The following LAMA2 variants were observed in gnomAD, a reference collection of about 807,000 sequenced individuals.
LAMA2 encodes the protein laminin subunit alpha-2.
LAMA2 carries 269 observed loss-of-function variants against 364.8 expected under a neutral mutation model. The ratio of observed to expected loss-of-function variants is 0.74; its 90% CI spans 0.67 to 0.82. The LOEUF (loss-of-function observed/expected upper bound fraction) is 0.82, where lower values mean the gene tolerates loss of function less well. LAMA2 is among the 40% of genes least tolerant of loss of function. The pLI is 0.00. For missense variants in LAMA2, 3,807 were observed against 3,873.2 expected (o/e 0.98, Z 0.45); for synonymous variants, 1,379 against 1,370.6 (o/e 1.01, Z -0.14).
intron 9 of LAMA2, among the ~76,000 whole-genome samples, chr6:129,174,895 T>C (rs1472907129): frequency 6.6e-6 from 1 of 152,336 alleles, no homozygotes; most frequent in Non-Finnish European, 1.5e-5. Flanking sequence ...TCTTCAACTG[T>C]TCTGAACAGG....
At chr6:129,339,147 GA>G (rs1314195499) in intron 29 of LAMA2, among the ~76,000 whole-genome samples, 8 of 152,174 alleles carry the variant, frequency 5.3e-5, no homozygotes, top group African/African-American at 2.4e-5. Context: ...AAAATATGGA[GA>G]CAGGATCTTT....
chr6:128,964,926 G>A (rs1781742616), intron 1 of LAMA2, among the ~76,000 whole-genome samples: 1 of 151,930 alleles, frequency 6.6e-6, no homozygotes, highest in Non-Finnish European at 1.5e-5. Flanking sequence ...AACTGGCTTG[G>A]TAGTTTCCAG....
At chr6:129,409,127 A>G (rs1780395266) in intron 40 of LAMA2, among the ~76,000 whole-genome samples, 1 of 152,206 alleles carries the variant, frequency 6.6e-6, no homozygotes, top group African/African-American at 2.4e-5. Context: ...GTGCACAACC[A>G]GGTGCCCTGC....
chr6:129,088,799 G>A (rs892199573), intron 3 of LAMA2, among the ~76,000 whole-genome samples: 4 of 151,908 alleles, frequency 2.6e-5, no homozygotes, highest in African/African-American at 7.3e-5. Context: ...ACGGGATGGC[G>A]GTCCGGAAGA....
At chr6:128,975,594 C>G (rs1342726228) in intron 1 of LAMA2, among the ~76,000 whole-genome samples, 3 of 152,110 alleles carry the variant, frequency 2.0e-5, no homozygotes, top group East Asian at 1.9e-4. Flanking sequence ...CCACAATTCC[C>G]AAGGGTCATG....
chr6:128,949,613 T>C (rs1047108051), intron 1 of LAMA2, among the ~76,000 whole-genome samples: 10 of 152,084 alleles, frequency 6.6e-5, no homozygotes, highest in African/African-American at 2.4e-4. Flanking sequence ...TTATGAAGGA[T>C]GTCTCTTTGC....
intron 63 of LAMA2, 42 bp downstream of exon 63, chr6:129,512,535 A>ATTGTTG (rs1392414612): frequency 1.2e-6 from 2 of 1,606,748 alleles, no homozygotes; most frequent in Non-Finnish European, 1.7e-6. Flanking sequence ...TCTTCATGAT[A>ATTGTTG]TTGTTGATGT....
chr6:129,432,691 T>C (rs1781658019), intron 41 of LAMA2, among the ~76,000 whole-genome samples: 1 of 152,216 alleles, frequency 6.6e-6, no homozygotes, highest in Non-Finnish European at 1.5e-5. Context: ...TCAAACTCAA[T>C]TTTCTTGCTG....
intron 4 of LAMA2, among the ~76,000 whole-genome samples, chr6:129,129,317 A>T (rs1241559872): frequency 6.6e-6 from 1 of 152,254 alleles, no homozygotes; most frequent in Admixed American, 6.5e-5. Flanking sequence ...ATTTGAATTT[A>T]TAAACTCTGG....
chr6:129,315,637 A>G lies in LAMA2; in HGVS notation c.3717A>G (p.Glu1239=). 1 of 1,614,242 alleles carries G rather than the reference A, an allele frequency of 6.2e-7. No homozygotes were observed. Among genetic ancestry groups the G allele is most frequent in the African/African-American group, 1.3e-5 (1 of 75,068 alleles). Residue 1239 remains glutamate (E), a synonymous_variant, in exon 25 of 65, where the codon GAA becomes GAG. Coordinates refer to ENST00000421865, the MANE Select transcript of LAMA2 (RefSeq NM_000426.4). The stretch of plus-strand genomic sequence containing the variant: ...AACCTTTTTATTGGAAACTTCCAGA[A>G]CAATTTGAAGGAAAGAAGGTAAGCA... ...HLEPFYWKLP[E]QFEGKKLMAY... is the part of the protein sequence containing the mutation.
chr6:129,506,376 T>A lies in LAMA2; in HGVS notation c.8703+1021T>A, dbSNP rs183966258. On this transcript the variant is annotated intron_variant, in intron 61 of 64. Coordinates refer to ENST00000421865, the MANE Select transcript of LAMA2 (RefSeq NM_000426.4). Reference sequence around the variant, plus strand: ...TCAAAAAAATAAATAAATAAATAAATAAAAATAAAAATAAAGTGATTGGAA... The same window carrying A: ...TCAAAAAAATAAATAAATAAATAAAAAAAAATAAAAATAAAGTGATTGGAA... Among the ~76,000 whole-genome samples, 182 of 151,396 alleles carry A rather than the reference T, an allele frequency of 1.2e-3. 1 individual carries two copies. In the East Asian group the frequency reaches 0.027, roughly 22 times the overall value.
intron 1 of LAMA2, among the ~76,000 whole-genome samples, chr6:128,974,882 C>G (rs1167146012): frequency 6.8e-6 from 1 of 147,024 alleles, no homozygotes; most frequent in Non-Finnish European, 1.5e-5. Flanking sequence ...GAAGGAGTCT[C>G]ACTCTGTTGC....
At chr6:129,403,305 G>A (rs552676215) in intron 39 of LAMA2, among the ~76,000 whole-genome samples, 76 of 152,228 alleles carry the variant, frequency 5.0e-4, no homozygotes, top group African/African-American at 1.8e-3. Context: ...ATGAAGGGTG[G>A]GTGGCAGATG....
chr6:129,505,456 G>A (rs1785983129), intron 61 of LAMA2, 101 bp downstream of exon 61: 7 of 879,490 alleles, frequency 8.0e-6, no homozygotes, highest in Admixed American at 1.9e-5. Context: ...AAACTGATAG[G>A]TGAATAGGAA....
rs138100597 is a variant in LAMA2, at chr6:129,325,184, A to G, written c.4177-3094A>G. Among the ~76,000 whole-genome samples the G allele has an allele frequency of 1.3e-5, 2 of 152,346 alleles. 1 individual carries two copies. The highest frequency in any genetic ancestry group is 3.9e-4 in the East Asian group (2 of 5,190). The stretch of plus-strand genomic sequence containing the variant: ...TAATCTAATTTTTTGATGAAACAAT[A>G]TATTATGAAAATAAATTAAAGATAG... On this transcript the variant is annotated intron_variant, in intron 28 of 64. Transcript: ENST00000421865.
chr6:129,381,883 A>T (rs1020036684), intron 34 of LAMA2, among the ~76,000 whole-genome samples: 2 of 152,196 alleles, frequency 1.3e-5, no homozygotes, highest in Non-Finnish European at 2.9e-5. Context: ...AAGTTAGATG[A>T]TAATAGTTGG....
Position 129,391,568 on chromosome 6 carries a change from C to T in LAMA2, c.5149C>T (p.Leu1717Phe), listed in dbSNP as rs749119417. Residue 1717 changes from leucine (L) to phenylalanine (F), a missense_variant, in exon 36 of 65, where the codon CTT becomes TTT. Coordinates refer to ENST00000421865, the MANE Select transcript of LAMA2 (RefSeq NM_000426.4). ...GGCCTTTGAGAGAAATTTGGAAGGG[C>T]TTCAGAAAGAGATTGACCAGATGAT... The part of the protein sequence containing the change: ...DEAFERNLEG[L>F]QKEIDQMIKE... 6 of 1,613,366 alleles carry T rather than the reference C, an allele frequency of 3.7e-6. No individual in the cohort carries two copies. In the South Asian group the frequency reaches 6.6e-5, roughly 18 times the overall value.
intron 64 of LAMA2, among the ~76,000 whole-genome samples, chr6:129,515,605 TAAAGTCACCTTC>T (rs1444952464): frequency 2.1e-5 from 3 of 143,888 alleles, no homozygotes; most frequent in African/African-American, 5.0e-5. Context: ...AAGAAAGTGA[TAAAGTCACCTTC>T]AAAAAGTTCT....
At chr6:129,374,717 G>T (rs2114637227) in intron 34 of LAMA2, among the ~76,000 whole-genome samples, 1 of 150,826 alleles carries the variant, frequency 6.6e-6, no homozygotes, top group East Asian at 2.0e-4. Flanking sequence ...AGCTGGGATT[G>T]CAGGCACCTG....
Sources: allele counts gnomAD v4.1 joint callset (sites outside exome capture counted in the v4.1 genomes callset), GRCh38; gene constraint gnomAD v4.1.1; transcripts MANE v1.5; gene names NCBI Gene and HGNC (gene_info 2026-07-23, HGNC 2026-07-21).